Variants in HECTD4 observed in about 807,000 individuals in gnomAD.
HECTD4 encodes probable E3 ubiquitin-protein ligase HECTD4.
HECTD4 carries 114 observed loss-of-function variants against 471.5 expected under a neutral mutation model. The observed-to-expected ratio is 0.24, with a 90% confidence interval of 0.21 to 0.28. HECTD4 has a LOEUF of 0.28. Ranked by LOEUF, HECTD4 falls within the 10% of genes least tolerant of loss-of-function variation. HECTD4 has a pLI of 1.00. For synonymous variants in HECTD4, 2,012 were observed against 2,256.0 expected, an observed-to-expected ratio of 0.89 and a Z score of 3.07; for missense variants, 3,866 against 5,651.5, an observed-to-expected ratio of 0.68 and a Z score of 10.13.
rs139038606 is a variant in HECTD4, at chr12:112,247,400, C to T, written c.4337+62G>A. On this transcript the variant is annotated intron_variant, in intron 28 of 75. Coordinates refer to ENST00000682272, the MANE Select transcript of HECTD4 (RefSeq NM_001388303.1). ...AAATATATCTATTAAGAGACTAGACCTTTACAGTGTGTTTTGAGCATCAAG... is the reference window on the plus strand; with the variant it reads ...AAATATATCTATTAAGAGACTAGACTTTTACAGTGTGTTTTGAGCATCAAG... 4.6e-5 allele frequency: 36 copies of T among 784,044 alleles called. No homozygotes were observed. The East Asian group carries it at 9.5e-4, about 21-fold the overall frequency. 48.6% of individuals were successfully genotyped at this position (784,044 alleles called of 1,614,324 possible).
intron 1 of HECTD4, chr12:112,322,655 T>A (rs1297710210): frequency 2.6e-5 from 4 of 152,460 alleles, no homozygotes; most frequent in African/African-American, 9.7e-5. Context: ...AAGCTATGAA[T>A]CTCTTCCCTG....
chr12:112,222,360 A>C (rs922993127), intron 44 of HECTD4, among the ~76,000 whole-genome samples: 2 of 152,094 alleles, frequency 1.3e-5, no homozygotes, highest in Non-Finnish European at 2.9e-5. Flanking sequence ...CCTGGCCCTC[A>C]TTTTTCTAAT....
rs367864060 is a variant in HECTD4, at chr12:112,219,444, A to G, written c.7016T>C (p.Met2339Thr). The part of the protein sequence containing the change: ...VVEVQCERLR[M>T]LYRDCARPPP... ...GGGCCGAGCACAGTCCCGGTAGAGCATCCTCAGCCGTTCACACTGTACCTC... is the reference window on the plus strand; with the variant it reads ...GGGCCGAGCACAGTCCCGGTAGAGCGTCCTCAGCCGTTCACACTGTACCTC... Residue 2339 changes from methionine to threonine, a missense_variant, in exon 45 of 76, where the codon ATG becomes ACG. By Grantham distance (81) the Met-to-Thr change is moderately conservative. Transcript: ENST00000682272. 1.2e-6 allele frequency: 2 copies of G among 1,613,816 alleles called. No individual in the cohort carries two copies. The highest frequency in any genetic ancestry group is 8.5e-7 in the Non-Finnish European group (1 of 1,179,868).
intron 1 of HECTD4, among the ~76,000 whole-genome samples, chr12:112,355,756 T>C (rs57617581): frequency 0.16 from 23,772 of 152,000 alleles, 2,492 homozygotes; most frequent in African/African-American, 0.3. Context: ...AGCGAGACTC[T>C]GTCTCAAAAA....
chr12:112,302,290 G>T (rs1045471019), intron 7 of HECTD4: 3 of 797,938 alleles, frequency 3.8e-6, no homozygotes, highest in Admixed American at 3.8e-5. Context: ...TAGTGGGGAC[G>T]CCCCCTTTGC....
In HECTD4 at chr12:112,248,131, T is replaced by C. The variant is rs1566086592; in HGVS notation, c.4184A>G (p.Asp1395Gly). 6.2e-7 allele frequency: 1 copy of C among 1,613,650 alleles called. No homozygotes were observed. Among genetic ancestry groups the C allele is most frequent in the Non-Finnish European group, 8.5e-7 (1 of 1,179,762 alleles). The change falls in exon 27 of 76, where the codon GAT becomes GGT. Residue 1395 changes from aspartate (D) to glycine (G), a missense_variant. Asp to Gly is a moderately conservative substitution (Grantham distance 94). This residue lies in a region of HECTD4 where 281 missense variants were observed against 499.9 expected (regional missense o/e 0.56). Coordinates refer to ENST00000682272, the MANE Select transcript of HECTD4 (RefSeq NM_001388303.1). ...CTCCAGTTTCCCCTGCATGGCATCA[T>C]CAACTTCACTTTGCCATTTTTGTTC... ...ELEQKWQSEVDDAMQGKLENN... is the reference protein window; with the variant it reads ...ELEQKWQSEVGDAMQGKLENN...
intron 1 of HECTD4, among the ~76,000 whole-genome samples, chr12:112,325,621 A>AT (rs1308977640): frequency 6.6e-6 from 1 of 152,150 alleles, no homozygotes; most frequent in Non-Finnish European, 1.5e-5. Flanking sequence ...AGAAATTAAT[A>AT]TTTTTCTCTT....
chr12:112,356,100 A>T (rs1416952371), intron 1 of HECTD4, among the ~76,000 whole-genome samples: 1 of 152,134 alleles, frequency 6.6e-6, no homozygotes, highest in Non-Finnish European at 1.5e-5. Context: ...TGAATAGTAT[A>T]AAAAATATGT....
chr12:112,258,878 G>A (rs2034083594), intron 19 of HECTD4: 1 of 562,674 alleles, frequency 1.8e-6, no homozygotes, highest in Non-Finnish European at 3.0e-6. Context: ...TTTTATAGCT[G>A]ATCAGCCATG....
chr12:112,219,415 G>C lies in HECTD4; in HGVS notation c.7045C>G (p.Pro2349Ala). ...CTTCGGTCAGCCTGCAAAGGAGGTG[G>C]TGGGGGCCGAGCACAGTCCCGGTAG... The part of the protein sequence containing the change: ...MLYRDCARPP[P>A]PPLQADRRQP... The change falls in exon 45 of 76, where the codon CCA (proline) becomes GCA (alanine). Residue 2349 changes from proline to alanine, a missense_variant. This residue lies in a region of HECTD4 where 617 missense variants were observed against 915.1 expected (regional missense o/e 0.67). Transcript: ENST00000682272. 6.2e-7 allele frequency: 1 copy of C among 1,613,760 alleles called. No individual in the cohort carries two copies. Among genetic ancestry groups the C allele is most frequent in the Non-Finnish European group, 8.5e-7 (1 of 1,179,764 alleles).
At chr12:112,267,181 C>T in intron 13 of HECTD4, 199 bp from the exon 14 acceptor site, 1 of 560,972 alleles carries the variant, frequency 1.8e-6, no homozygotes, top group Non-Finnish European at 3.2e-6. Flanking sequence ...TCCCTCACCG[C>T]TCCATGTGCG....
chr12:112,327,950 G>A (rs2035779007), intron 1 of HECTD4, among the ~76,000 whole-genome samples: 1 of 152,064 alleles, frequency 6.6e-6, no homozygotes, highest in African/African-American at 2.4e-5. Flanking sequence ...AAAACTCAGG[G>A]TCACTTGGGC....
chr12:112,318,278 AAGAAAAG>A (rs772318874), intron 2 of HECTD4, among the ~76,000 whole-genome samples: 222 of 152,178 alleles, frequency 1.5e-3, no homozygotes, highest in Middle Eastern at 0.014. Context: ...AAAAAGAGAA[AAGAAAAG>A]AGAAAAGAGA....
rs1317843620 is a variant in HECTD4 at position 112,356,670 on chromosome 12, T to TCAAG, written c.177+25278_177+25281dup. On this transcript the variant is annotated intron_variant, in intron 1 of 75. Transcript: ENST00000682272. ...CTAGGCTGGTCTCAAACTCCTGGGC[T>TCAAG]CAAGTGATCCTCCCACCTCGGCCTC... 9.9e-5 allele frequency among the ~76,000 whole-genome samples: 15 copies of TCAAG among 152,236 alleles called. No homozygotes were observed. The East Asian group carries it at 2.5e-3, about 25-fold the overall frequency.
Position 112,319,263 on chromosome 12 carries a change from T to G in HECTD4, c.657A>C (p.Glu219Asp). 1 of 1,536,156 alleles carries G rather than the reference T, an allele frequency of 6.5e-7. No homozygotes were observed. Among genetic ancestry groups the G allele is most frequent in the South Asian group, 1.2e-5 (1 of 84,070 alleles). ...TGRHIPHKQK[E>D]NAAAALVALA... ...AAGCCACCAGGGCAGCAGCAGCATT[T>G]TCTTTTTGCTTATGTGGGATGTGTC... The change falls in exon 2 of 76, where the codon GAA becomes GAC. Residue 219 changes from glutamate (E) to aspartate (D), a missense_variant. By Grantham distance (45) the Glu-to-Asp change is conservative. Around this residue, in one of 16 missense-constraint regions of HECTD4, gnomAD observed 440 missense variants for 636.0 expected, o/e 0.69. Coordinates refer to ENST00000682272, the MANE Select transcript of HECTD4 (RefSeq NM_001388303.1). The surrounding 1 kb of genome is among the most constrained non-coding windows in gnomAD (Gnocchi z 5.3).
chr12:112,297,025 AAGG>A (rs1240721541), intron 7 of HECTD4, among the ~76,000 whole-genome samples: 1 of 144,512 alleles, frequency 6.9e-6, no homozygotes, highest in Non-Finnish European at 1.5e-5. Context: ...GCAGGTGCAG[AAGG>A]TGTAGGTGCA....
intron 1 of HECTD4, among the ~76,000 whole-genome samples, chr12:112,355,182 T>C (rs1241269232): frequency 4.0e-4 from 61 of 150,726 alleles, no homozygotes; most frequent in Non-Finnish European, 1.0e-4. Flanking sequence ...GGTTTCGCCA[T>C]GTTGGCCAGG....
chr12:112,271,961 T>C (rs1289690661), intron 11 of HECTD4, among the ~76,000 whole-genome samples: 1 of 152,236 alleles, frequency 6.6e-6, no homozygotes, highest in African/African-American at 2.4e-5. Context: ...TTCTCCTGCA[T>C]TGCATGGTTA....
intron 54 of HECTD4, 32 bp from the exon 55 acceptor site, chr12:112,200,830 C>A: frequency 6.3e-7 from 1 of 1,598,486 alleles, no homozygotes; most frequent in Middle Eastern, 1.7e-4. Flanking sequence ...TCTGTTTGTG[C>A]TGTTTGCTTT....
Sources: allele counts gnomAD v4.1 joint callset (sites outside exome capture counted in the v4.1 genomes callset), GRCh38; gene constraint gnomAD v4.1.1; regional missense constraint gnomAD v4.1.1; non-coding constraint Gnocchi (gnomAD v3.1); transcripts MANE v1.5; gene names NCBI Gene and HGNC (gene_info 2026-07-23, HGNC 2026-07-21).